Variants in SLC38A1 observed in about 807,000 individuals in gnomAD.
The protein encoded by SLC38A1 is solute carrier family 38 member 1, also known as sodium-coupled neutral amino acid symporter 1.
A neutral mutation model predicts 60.3 loss-of-function variants in SLC38A1; 18 were observed. The ratio of observed to expected loss-of-function variants is 0.30; its 90% CI spans 0.21 to 0.44. The LOEUF (loss-of-function observed/expected upper bound fraction) is 0.44, where lower values mean the gene tolerates loss of function less well. Among genes scored for constraint, SLC38A1 ranks in the 20% least tolerant of loss-of-function variants. SLC38A1 has a pLI of 1.00. For synonymous variants in SLC38A1, 196 were observed against 212.1 expected, an observed-to-expected ratio of 0.92 and a Z score of 0.66; for missense variants, 448 against 587.2, an observed-to-expected ratio of 0.76 and a Z score of 2.45.
chr12:46,188,968 T>C lies in SLC38A1; in HGVS notation c.*2A>G, dbSNP rs751589330. On this transcript the variant is annotated 3_prime_UTR_variant, in exon 17 of 17. Coordinates refer to ENST00000398637, the MANE Select transcript of SLC38A1 (RefSeq NM_030674.4). ...AGGGATGTTTCTTTTTCTCGGCGGGTTTCAGTGGCCTTCGTCACTACTCGA... is the reference window on the plus strand; with the variant it reads ...AGGGATGTTTCTTTTTCTCGGCGGGCTTCAGTGGCCTTCGTCACTACTCGA... 1 of 1,610,656 alleles carries C rather than the reference T, an allele frequency of 6.2e-7. No homozygotes were observed. The highest frequency in any genetic ancestry group is 2.2e-5 in the East Asian group (1 of 44,758).
At chr12:46,242,710 G>A (rs1941486510) in intron 2 of SLC38A1, among the ~76,000 whole-genome samples, 1 of 152,168 alleles carries the variant, frequency 6.6e-6, no homozygotes, top group African/African-American at 2.4e-5. Context: ...GCTGTGGTGG[G>A]AGATCATCTG....
chr12:46,208,851 T>C (rs1940024474), intron 6 of SLC38A1, among the ~76,000 whole-genome samples: 2 of 152,246 alleles, frequency 1.3e-5, no homozygotes, highest in African/African-American at 4.8e-5. Flanking sequence ...ATTTTCTCAT[T>C]GTCCATGACA....
chr12:46,241,387 G>A (rs1302530512), intron 2 of SLC38A1, among the ~76,000 whole-genome samples: 1 of 152,030 alleles, frequency 6.6e-6, no homozygotes, highest in African/African-American at 2.4e-5. Flanking sequence ...CCACAGCCAG[G>A]CCACACATTA....
At chr12:46,237,106 T>C (rs944350936) in intron 3 of SLC38A1, among the ~76,000 whole-genome samples, 3 of 152,212 alleles carry the variant, frequency 2.0e-5, no homozygotes, top group Non-Finnish European at 4.4e-5. Flanking sequence ...TTGCAAAGTT[T>C]CCAGGCGGAG....
chr12:46,213,843 T>A (rs928514815), intron 5 of SLC38A1, among the ~76,000 whole-genome samples: 1 of 152,226 alleles, frequency 6.6e-6, no homozygotes, highest in African/African-American at 2.4e-5. Flanking sequence ...ATTCAACTAT[T>A]TACCTATTTA....
At position 46,207,229 on chromosome 12, in the gene SLC38A1, C is replaced by T; in HGVS notation, c.489G>A (p.Leu163=). 2 of 1,611,726 alleles carry T rather than the reference C, an allele frequency of 1.2e-6. No homozygotes were observed. Among genetic ancestry groups the T allele is most frequent in the Non-Finnish European group, 1.7e-6 (2 of 1,178,662 alleles). The change falls in exon 8 of 17, where the codon CTG becomes CTA. Residue 163 remains leucine (L), a synonymous_variant. Coordinates refer to ENST00000398637, the MANE Select transcript of SLC38A1 (RefSeq NM_030674.4). ...CATTTTTTACGATGAAGAGGTAGCT[C>T]AGCATTGCTGAAGGAAAATGAGAAC... ...ATSLQNTGAM[L]SYLFIVKNEL...
intron 13 of SLC38A1, among the ~76,000 whole-genome samples, chr12:46,200,060 T>C (rs567139768): frequency 2.2e-4 from 33 of 152,348 alleles, no homozygotes; most frequent in Admixed American, 5.9e-4. Flanking sequence ...AGAAAAATTA[T>C]AGCTTCAACA....
intron 1 of SLC38A1, among the ~76,000 whole-genome samples, chr12:46,256,319 C>T (rs1347613177): frequency 6.6e-6 from 1 of 152,004 alleles, no homozygotes; most frequent in African/African-American, 2.4e-5. Flanking sequence ...ACTTAAGTCA[C>T]ATGAACTAAA....
At position 46,204,221 on chromosome 12, in the gene SLC38A1, C is replaced by A; in HGVS notation, c.822+80G>T. 6 of 879,808 alleles carry A rather than the reference C, an allele frequency of 6.8e-6. No individual in the cohort carries two copies. The South Asian group carries it at 8.2e-5, about 12-fold the overall frequency. The allele number at this position is 879,808 out of a possible 1,614,324, so 54.5% of individuals were successfully genotyped here. A position where few individuals can be genotyped will look rare whatever the true frequency, so the allele number is the denominator to read the frequency against. ...TCTTTTGAGAACTAATACATTCAAA[C>A]CAGTGCAATTACAAGCATGAGAAAT... On this transcript the variant is annotated intron_variant, in intron 11 of 16. Transcript: ENST00000398637.
chr12:46,240,090 A>G (rs1941395739), intron 2 of SLC38A1, among the ~76,000 whole-genome samples, 197 bp from the exon 3 acceptor site: 1 of 152,044 alleles, frequency 6.6e-6, no homozygotes, highest in South Asian at 2.1e-4. Context: ...ATTTCCTTCC[A>G]TTTTTAACTA....
intron 16 of SLC38A1, chr12:46,196,094 C>T: frequency 6.6e-7 from 1 of 1,516,036 alleles, no homozygotes; most frequent in South Asian, 1.2e-5. Flanking sequence ...GAAGCAACCT[C>T]AGGTATTTCT....
chr12:46,239,291 C>A (rs1369874867), intron 3 of SLC38A1: 1 of 154,840 alleles, frequency 6.5e-6, no homozygotes, highest in Non-Finnish European at 1.4e-5. Context: ...AACTAAAAAC[C>A]AGAATAATTT....
chr12:46,222,393 A>G (rs1026285515), intron 5 of SLC38A1, among the ~76,000 whole-genome samples: 1 of 152,182 alleles, frequency 6.6e-6, no homozygotes, highest in African/African-American at 2.4e-5. Context: ...TCTGGGCAAT[A>G]TAATGTATAC....
chr12:46,227,234 T>A (rs558581279), intron 5 of SLC38A1, among the ~76,000 whole-genome samples: 18 of 152,300 alleles, frequency 1.2e-4, no homozygotes, highest in Non-Finnish European at 2.2e-4. Flanking sequence ...AAAAGTAGAA[T>A]AAAAATATTT....
intron 5 of SLC38A1, among the ~76,000 whole-genome samples, chr12:46,219,624 T>C (rs981233367): frequency 1.3e-5 from 2 of 152,194 alleles, no homozygotes; most frequent in Non-Finnish European, 2.9e-5. Context: ...TTAAACCAAC[T>C]ACCACTCTGT....
rs1940209991 is a variant in SLC38A1 at position 46,212,339 on chromosome 12, A to AAATT, written c.315-3213_315-3212insAATT. 2.0e-5 allele frequency among the ~76,000 whole-genome samples: 3 copies of AAATT among 152,164 alleles called. No homozygotes were observed. In the South Asian group the frequency reaches 6.2e-4, roughly 31 times the overall value. ...GATTCCTTTTTAAAATTTCATCTGG[A>AAATT]TATAATTTAAGCTTCAACATTGTTA... On this transcript the variant is annotated intron_variant, in intron 5 of 16. Coordinates refer to ENST00000398637, the MANE Select transcript of SLC38A1 (RefSeq NM_030674.4).
intron 5 of SLC38A1, among the ~76,000 whole-genome samples, chr12:46,215,645 T>A (rs941490908): frequency 1.3e-5 from 2 of 152,122 alleles, no homozygotes; most frequent in Admixed American, 1.3e-4. Context: ...TGACCTCAGG[T>A]GATCTGCCCA....
chr12:46,214,680 CA>C (rs1196855834), intron 5 of SLC38A1, among the ~76,000 whole-genome samples: 1 of 151,988 alleles, frequency 6.6e-6, no homozygotes, highest in Non-Finnish European at 1.5e-5. Context: ...CCAAAACAAA[CA>C]AACAAAAAAA....
Position 46,185,411 on chromosome 12 carries a change from T to C in SLC38A1, c.*3559A>G, listed in dbSNP as rs997869450. The C allele has an allele frequency of 1.3e-5, 2 of 152,008 alleles. No individual in the cohort carries two copies. The highest frequency in any genetic ancestry group is 4.8e-5 in the African/African-American group (2 of 41,390). 9.4% of individuals were successfully genotyped at this position (152,008 alleles called of 1,614,324 possible). On this transcript the variant is annotated 3_prime_UTR_variant, in exon 17 of 17. Coordinates refer to ENST00000398637, the MANE Select transcript of SLC38A1 (RefSeq NM_030674.4). ...CCACAAGCCCTATCACCATCACCCA[T>C]CTGGGTGCTTCTTTTTCTCAACAGG...
Sources: allele counts gnomAD v4.1 joint callset (sites outside exome capture counted in the v4.1 genomes callset), GRCh38; gene constraint gnomAD v4.1.1; transcripts MANE v1.5; gene names NCBI Gene and HGNC (gene_info 2026-07-23, HGNC 2026-07-21).